Variants in RBFOX1 observed in about 807,000 individuals in gnomAD.
RBFOX1 encodes RNA binding protein fox-1 homolog 1.
In RBFOX1, 8 loss-of-function variants were observed where a neutral mutation model predicts 57.7. That is an observed-to-expected ratio of 0.14 (90% CI 0.08 to 0.25). The LOEUF is 0.25. Ranked by LOEUF, RBFOX1 falls within the 10% of genes least tolerant of loss-of-function variation. RBFOX1 has a pLI of 1.00. For missense variants in RBFOX1, 611 were observed against 548.5 expected, an observed-to-expected ratio of 1.11 and a Z score of -1.14; for synonymous variants, 326 against 222.4, an observed-to-expected ratio of 1.47 and a Z score of -4.15.
intron 1 of RBFOX1, among the ~76,000 whole-genome samples, chr16:5,401,463 A>C (rs1555508812): frequency 6.6e-6 from 1 of 152,150 alleles, no homozygotes; most frequent in Non-Finnish European, 1.5e-5. Flanking sequence ...GAACAACTGC[A>C]GCTTTGTGAT....
intron 4 of RBFOX1, among the ~76,000 whole-genome samples, chr16:5,998,540 T>G (rs1044675683): frequency 5.3e-5 from 8 of 152,234 alleles, no homozygotes; most frequent in Non-Finnish European, 1.0e-4. Context: ...TTTCTTTGAG[T>G]GAAATGTATG....
intron 2 of RBFOX1, among the ~76,000 whole-genome samples, chr16:5,590,076 C>A (rs556778552): frequency 0.011 from 986 of 92,686 alleles, 6 homozygotes; most frequent in African/African-American, 0.017. Context: ...CACACACACA[C>A]AAAAAGGGCA....
At chr16:6,836,510 G>T (rs1009712363) in intron 3 of RBFOX1, among the ~76,000 whole-genome samples, 1 of 152,152 alleles carries the variant, frequency 6.6e-6, no homozygotes, top group Non-Finnish European at 1.5e-5. Context: ...TTCCTTCTAC[G>T]TGAGTTAGCC....
chr16:5,794,951 C>T (rs1225649062), intron 3 of RBFOX1, among the ~76,000 whole-genome samples: 1 of 152,186 alleles, frequency 6.6e-6, no homozygotes, highest in Non-Finnish European at 1.5e-5. Context: ...GGCACACACC[C>T]ACTCTCATCT....
At chr16:5,835,959 A>T (rs2056444207) in intron 3 of RBFOX1, among the ~76,000 whole-genome samples, 1 of 152,126 alleles carries the variant, frequency 6.6e-6, no homozygotes, top group Non-Finnish European at 1.5e-5. Context: ...AAGTTGGGGA[A>T]GAGGAAGAAG....
chr16:7,191,357 A>C (rs1288336920), intron 4 of RBFOX1, among the ~76,000 whole-genome samples: 1 of 151,470 alleles, frequency 6.6e-6, no homozygotes, highest in Non-Finnish European at 1.5e-5. Context: ...AAAAAACAGC[A>C]CATTGCTACA....
chr16:7,564,562 A>AAAAAAAAAAAAAC (rs2091238542), intron 5 of RBFOX1, among the ~76,000 whole-genome samples: 1 of 134,630 alleles, frequency 7.4e-6, no homozygotes, highest in African/African-American at 2.5e-5. Flanking sequence ...AAAAAAAAAA[A>AAAAAAAAAAAAAC]AAAAAAGGCA....
intron 4 of RBFOX1, among the ~76,000 whole-genome samples, chr16:7,242,919 T>G (rs950716799): frequency 6.6e-6 from 1 of 152,172 alleles, no homozygotes; most frequent in Admixed American, 6.5e-5. Flanking sequence ...ATCCTGCATA[T>G]GGGGCTGTGT....
rs950126932 is a variant in RBFOX1 at position 7,009,283 on chromosome 16, C to G, written c.-15-42774C>G. ...TCTCCTTCCTCTTCTTCTCTCTTTT[C>G]TCTCTCACTCTCTGTCTCTTCCTTC... On this transcript the variant is annotated intron_variant, in intron 3 of 15. Coordinates refer to ENST00000550418, the MANE Select transcript of RBFOX1 (RefSeq NM_018723.4). 5.5e-5 allele frequency among the ~76,000 whole-genome samples: 8 copies of G among 145,270 alleles called. No homozygotes were observed. In the South Asian group the frequency reaches 6.9e-4, roughly 13 times the overall value.
intron 3 of RBFOX1, among the ~76,000 whole-genome samples, chr16:6,756,676 A>G (rs746562350): frequency 7.2e-5 from 11 of 152,140 alleles, no homozygotes; most frequent in Non-Finnish European, 1.5e-4. Context: ...ACATTTCTTA[A>G]AAGAAGATAT....
At chr16:5,863,145 A>C (rs2151890029) in intron 3 of RBFOX1, among the ~76,000 whole-genome samples, 1 of 152,294 alleles carries the variant, frequency 6.6e-6, no homozygotes, top group African/African-American at 2.4e-5. Flanking sequence ...TTGAAAAGGA[A>C]TCACGTCCAC....
chr16:6,460,091 T>C (rs1242872304), intron 2 of RBFOX1, among the ~76,000 whole-genome samples: 2 of 147,332 alleles, frequency 1.4e-5, no homozygotes, highest in Non-Finnish European at 3.0e-5. Context: ...TTAGATTGCT[T>C]GGGGCTGCCA....
intron 1 of RBFOX1, among the ~76,000 whole-genome samples, chr16:6,292,119 G>C (rs73521156): frequency 6.6e-6 from 1 of 152,128 alleles, no homozygotes; most frequent in Non-Finnish European, 1.5e-5. Context: ...TAGAAGCCAG[G>C]CATGGTGGCA....
At chr16:5,832,398 CTTCCT>C in intron 3 of RBFOX1, among the ~76,000 whole-genome samples, 1 of 152,220 alleles carries the variant, frequency 6.6e-6, no homozygotes, top group Non-Finnish European at 1.5e-5. Flanking sequence ...TATTTTGCCA[CTTCCT>C]AGCTGTGTGA....
intron 2 of RBFOX1, among the ~76,000 whole-genome samples, chr16:6,476,706 C>G (rs981678947): frequency 6.6e-6 from 1 of 152,096 alleles, no homozygotes; most frequent in African/African-American, 2.4e-5. Context: ...GTGGCAATCT[C>G]TTAAAATGAG....
chr16:6,234,004 G>C (rs13333998), intron 1 of RBFOX1, among the ~76,000 whole-genome samples: 3,087 of 152,270 alleles, frequency 0.02, 104 homozygotes, highest in African/African-American at 0.07. Flanking sequence ...TGTCTGGTGA[G>C]AGCTGCATCC....
At chr16:6,262,509 C>G (rs910365419) in intron 1 of RBFOX1, among the ~76,000 whole-genome samples, 5 of 152,090 alleles carry the variant, frequency 3.3e-5, no homozygotes, top group African/African-American at 9.7e-5. Flanking sequence ...GCAGTGTTCA[C>G]TGCAGCAGCA....
At chr16:6,541,321 C>T (rs1050191751) in intron 2 of RBFOX1, among the ~76,000 whole-genome samples, 1 of 152,300 alleles carries the variant, frequency 6.6e-6, no homozygotes, top group South Asian at 2.1e-4. Flanking sequence ...CTCTGGCATT[C>T]ATTCATTCAT....
At chr16:6,977,169 CATAT>C (rs916333795) in intron 3 of RBFOX1, among the ~76,000 whole-genome samples, 4 of 142,966 alleles carry the variant, frequency 2.8e-5, no homozygotes, top group Non-Finnish European at 6.0e-5. Flanking sequence ...CATATATTAT[CATAT>C]ATAGATCATA....
Sources: allele counts gnomAD v4.1 joint callset (sites outside exome capture counted in the v4.1 genomes callset), GRCh38; gene constraint gnomAD v4.1.1; transcripts MANE v1.5; gene names NCBI Gene and HGNC (gene_info 2026-07-23, HGNC 2026-07-21).